SLC35C1: variants seen among roughly 807,000 people sequenced by gnomAD.
The protein encoded by SLC35C1 is solute carrier family 35 member C1, also known as GDP-fucose transporter 1.
A neutral mutation model predicts 23.2 loss-of-function variants in SLC35C1; 8 were observed. That is an observed-to-expected ratio of 0.35 (90% CI 0.20 to 0.62). The LOEUF (loss-of-function observed/expected upper bound fraction) is 0.62. SLC35C1 is among the 20% of genes least tolerant of loss of function. The pLI is 0.75. For synonymous variants in SLC35C1, 226 were observed against 225.1 expected (o/e 1.00, Z -0.04); for missense variants, 422 against 478.6 (o/e 0.88, Z 1.10).
Position 45,811,267 on chromosome 11 carries a change from TG to T in SLC35C1, c.1030del (p.Glu344ArgfsTer2). ...GSSAYTWVRG[W>X]EMKKTPEEPS... ...CTCCGCCTACACCTGGGTCAGGGGC[TG>T]GGAGATGAAGAAGACTCCGGAGGAG... On this transcript the variant is annotated frameshift_variant, in exon 2 of 2. Coordinates refer to ENST00000314134, the MANE Select transcript of SLC35C1 (RefSeq NM_018389.5). LOFTEE classifies it high-confidence loss of function. The T allele has an allele frequency of 6.3e-7, 1 of 1,584,720 alleles. No individual in the cohort carries two copies.
In SLC35C1 at chr11:45,811,606, G is replaced by C; in HGVS notation, c.*271G>C. On this transcript the variant is annotated 3_prime_UTR_variant, in exon 2 of 2. Transcript: ENST00000314134. ...ATTTCTGAGTTTTTGTCCTTCCCGA[G>C]GGAGCACCCTAGTGAGAGTTGAACC... 5.0e-6 allele frequency: 2 copies of C among 400,032 alleles called. No individual in the cohort carries two copies. The highest frequency in any genetic ancestry group is 3.9e-5 in the East Asian group (1 of 25,800). 24.8% of individuals were successfully genotyped at this position (400,032 alleles called of 1,614,324 possible).
chr11:45,811,448 T>TCTATAAGTAGCACCCA lies in SLC35C1; in HGVS notation c.*113_*114insCTATAAGTAGCACCCA. 1.2e-6 allele frequency: 1 copy of TCTATAAGTAGCACCCA among 862,220 alleles called. No homozygotes were observed. The highest frequency in any genetic ancestry group is 1.7e-6 in the Non-Finnish European group (1 of 581,954). 53.4% of individuals were successfully genotyped at this position (862,220 alleles called of 1,614,324 possible). A position where few individuals can be genotyped will look rare whatever the true frequency, so the allele number is the denominator to read the frequency against. On this transcript the variant is annotated 3_prime_UTR_variant, in exon 2 of 2. Transcript: ENST00000314134. ...GAAGCGTGCTGTGGTGTGGACTGGGTGCTACTTATAGACCCAATCAGAATA... is the reference window on the plus strand; with the variant it reads ...GAAGCGTGCTGTGGTGTGGACTGGGTCTATAAGTAGCACCCAGCTACTTATAGACCCAATCAGAATA...
Position 45,805,799 on chromosome 11 carries a change from A to G in SLC35C1, c.-3A>G, listed in dbSNP as rs3808976. On this transcript the variant is annotated 5_prime_UTR_variant, in exon 1 of 2. Transcript: ENST00000314134. ...CGCGGGGTGACCCAGCTCCTCTGCT[A>G]CCATGAATAGGGCCCCTCTGAAGCG... is the stretch of plus-strand genomic sequence containing the variant. The G allele has an allele frequency of 0.21, 345,572 of 1,612,660 alleles. 39,757 individuals carry two copies. The highest frequency in any genetic ancestry group is 0.42 in the African/African-American group (31,624 of 74,982).
Position 45,805,489 on chromosome 11 carries a change from T to G in SLC35C1, c.-313T>G. 7.9e-6 allele frequency: 10 copies of G among 1,259,456 alleles called. No homozygotes were observed. Among genetic ancestry groups the G allele is most frequent in the Admixed American group, 3.4e-5 (1 of 29,430 alleles). The allele number at this position is 1,259,456 out of a possible 1,614,324, so 78.0% of individuals were successfully genotyped here. A position where few individuals can be genotyped will look rare whatever the true frequency, so the allele number is the denominator to read the frequency against. ...CCCTTCTCTCTGCGACCCCTCCCTGTTAGGCCCCAGCCTCTTCTCCCCTCA... is the reference window on the plus strand; with the variant it reads ...CCCTTCTCTCTGCGACCCCTCCCTGGTAGGCCCCAGCCTCTTCTCCCCTCA... On this transcript the variant is annotated 5_prime_UTR_variant, in exon 1 of 2. Coordinates refer to ENST00000314134, the MANE Select transcript of SLC35C1 (RefSeq NM_018389.5).
chr11:45,812,885 GTGAAAAGCT>G lies in SLC35C1; in HGVS notation c.*1551_*1559del, dbSNP rs2085966694. The G allele has an allele frequency of 3.0e-6, 1 of 330,784 alleles. No individual in the cohort carries two copies. The highest frequency in any genetic ancestry group is 6.0e-6 in the Non-Finnish European group (1 of 165,638). The allele number at this position is 330,784 out of a possible 1,614,324, so 20.5% of individuals were successfully genotyped here. The stretch of plus-strand genomic sequence containing the variant: ...ATTTCTGATGTTTTTACTCTATATA[GTGAAAAGCT>G]AGGGAGAGCGGGTCTTCTCCCCCCT... On this transcript the variant is annotated 3_prime_UTR_variant, in exon 2 of 2. Coordinates refer to ENST00000314134, the MANE Select transcript of SLC35C1 (RefSeq NM_018389.5).
rs910057772 is a variant in SLC35C1, at chr11:45,811,620, G to A, written c.*285G>A. 8 of 363,586 alleles carry A rather than the reference G, an allele frequency of 2.2e-5. No individual in the cohort carries two copies. The highest frequency in any genetic ancestry group is 4.1e-5 in the African/African-American group (2 of 48,822). 22.5% of individuals were successfully genotyped at this position (363,586 alleles called of 1,614,324 possible). ...GTCCTTCCCGAGGGAGCACCCTAGTGAGAGTTGAACCCCTTCCTTCTGCCT... is the reference window on the plus strand; with the variant it reads ...GTCCTTCCCGAGGGAGCACCCTAGTAAGAGTTGAACCCCTTCCTTCTGCCT... On this transcript the variant is annotated 3_prime_UTR_variant, in exon 2 of 2. Coordinates refer to ENST00000314134, the MANE Select transcript of SLC35C1 (RefSeq NM_018389.5).
intron 1 of SLC35C1, chr11:45,807,018 T>G (rs574412814): frequency 1.7e-5 from 8 of 459,772 alleles, no homozygotes; most frequent in Middle Eastern, 1.1e-3. Flanking sequence ...ATTATGCTAA[T>G]TATTTCACAT....
Position 45,811,966 on chromosome 11 carries a change from A to T in SLC35C1, c.*631A>T, listed in dbSNP as rs2085953270. 1 of 155,854 alleles carries T rather than the reference A, an allele frequency of 6.4e-6. No homozygotes were observed. The highest frequency in any genetic ancestry group is 1.4e-5 in the Non-Finnish European group (1 of 70,246). The allele number at this position is 155,854 out of a possible 1,614,324, so 9.7% of individuals were successfully genotyped here. A position where few individuals can be genotyped will look rare whatever the true frequency, so the allele number is the denominator to read the frequency against. On this transcript the variant is annotated 3_prime_UTR_variant, in exon 2 of 2. Coordinates refer to ENST00000314134, the MANE Select transcript of SLC35C1 (RefSeq NM_018389.5). ...GGTGGATTGTGAGAAAGTGCTCACC[A>T]TCTATACACCCTGTATGTCCAGCTT...
chr11:45,810,830 T>A lies in SLC35C1; in HGVS notation c.590T>A (p.Leu197Gln). 6.2e-7 allele frequency: 1 copy of A among 1,612,846 alleles called. No individual in the cohort carries two copies. The highest frequency in any genetic ancestry group is 8.5e-7 in the Non-Finnish European group (1 of 1,180,018). The change falls in exon 2 of 2, where the codon CTG becomes CAG. Residue 197 changes from leucine (L) to glutamine (Q), a missense_variant. Transcript: ENST00000314134. ...QEGAEGTLSW[L>Q]GTVFGVLASL... ...GGGGCAGAAGGCACCCTGTCGTGGC[T>A]GGGCACCGTCTTCGGCGTGCTGGCT...
rs746706225 is a variant in SLC35C1 at position 45,805,927 on chromosome 11, G to C, written c.126G>C (p.Ala42=). The C allele has an allele frequency of 5.0e-6, 8 of 1,614,068 alleles. No homozygotes were observed. The Admixed American group carries it at 1.3e-4, about 27-fold the overall frequency. ...TTCTGCTGCGGGCATTGCAGATCGC[G>C]CTGGTGGTCTCCCTCTACTGGGTCA... ...KPFLLRALQI[A]LVVSLYWVTS... The change falls in exon 1 of 2, where the codon GCG becomes GCC. Residue 42 remains alanine, a synonymous_variant. Transcript: ENST00000314134.
At chr11:45,810,475 C>T (rs879529704) in intron 1 of SLC35C1, 2 of 985,232 alleles carry the variant, frequency 2.0e-6, no homozygotes, top group Non-Finnish European at 2.4e-6. Context: ...GACCTCATTA[C>T]AATTCTTACA....
chr11:45,804,703 G>A (rs2085848118), upstream of SLC35C1: 1 of 985,480 alleles, frequency 1.0e-6, no homozygotes, highest in African/African-American at 1.7e-5. Context: ...GGGAAAGGAG[G>A]GGACCACAAC....
rs79173599 is a variant in SLC35C1, at chr11:45,812,971, G to A, written c.*1636G>A. 3,481 of 247,768 alleles carry A rather than the reference G, an allele frequency of 0.014. 132 individuals are homozygous for A. Among genetic ancestry groups the A allele is most frequent in the African/African-American group, 0.072 (3,272 of 45,646 alleles). The allele number at this position is 247,768 out of a possible 1,614,324, so 15.3% of individuals were successfully genotyped here. A position where few individuals can be genotyped will look rare whatever the true frequency, so the allele number is the denominator to read the frequency against. On this transcript the variant is annotated 3_prime_UTR_variant, in exon 2 of 2. Transcript: ENST00000314134. ...GATGGGTTCTAATGCAGCTGCTGGG[G>A]CCTGATGCCCTGAGTTGTTTGTGAT...
At position 45,811,660 on chromosome 11, in the gene SLC35C1, C is replaced by T; in HGVS notation, c.*325C>T. ...TCCTTCTGCCTCCAGGGCCTGTCTG[C>T]CTCCACATCACTCTGAGGACAGGGA... On this transcript the variant is annotated 3_prime_UTR_variant, in exon 2 of 2. Coordinates refer to ENST00000314134, the MANE Select transcript of SLC35C1 (RefSeq NM_018389.5). 3.7e-6 allele frequency: 1 copy of T among 268,004 alleles called. No individual in the cohort carries two copies. The highest frequency in any genetic ancestry group is 7.1e-6 in the Non-Finnish European group (1 of 140,664). 16.6% of individuals were successfully genotyped at this position (268,004 alleles called of 1,614,324 possible). A position where few individuals can be genotyped will look rare whatever the true frequency, so the allele number is the denominator to read the frequency against.
At position 45,810,824 on chromosome 11, in the gene SLC35C1, C is replaced by T; in HGVS notation, c.584C>T (p.Ser195Leu). The T allele has an allele frequency of 6.2e-7, 1 of 1,612,838 alleles. No homozygotes were observed. The highest frequency in any genetic ancestry group is 8.5e-7 in the Non-Finnish European group (1 of 1,180,016). ...VDQEGAEGTL[S>L]WLGTVFGVLA... ...CAGGAGGGGGCAGAAGGCACCCTGT[C>T]GTGGCTGGGCACCGTCTTCGGCGTG... The change falls in exon 2 of 2, where the codon TCG becomes TTG. Residue 195 changes from serine to leucine, a missense_variant. Ser to Leu is a moderately radical substitution (Grantham distance 145). Coordinates refer to ENST00000314134, the MANE Select transcript of SLC35C1 (RefSeq NM_018389.5).
chr11:45,811,694 A>C lies in SLC35C1; in HGVS notation c.*359A>C. 1 of 210,268 alleles carries C rather than the reference A, an allele frequency of 4.8e-6. No individual in the cohort carries two copies. The highest frequency in any genetic ancestry group is 1.3e-4 in the South Asian group (1 of 7,722). The allele number at this position is 210,268 out of a possible 1,614,324, so 13.0% of individuals were successfully genotyped here. A position where few individuals can be genotyped will look rare whatever the true frequency, so the allele number is the denominator to read the frequency against. On this transcript the variant is annotated 3_prime_UTR_variant, in exon 2 of 2. Coordinates refer to ENST00000314134, the MANE Select transcript of SLC35C1 (RefSeq NM_018389.5). ...CACTCTGAGGACAGGGACAGGCAAC[A>C]ACCTTGAAGGGACAGCAATGGCAAA... is the stretch of plus-strand genomic sequence containing the variant.
At chr11:45,810,624 CTG>C in intron 1 of SLC35C1, 150 bp from the exon 2 acceptor site, 1 of 1,439,856 alleles carries the variant, frequency 6.9e-7, no homozygotes, top group Non-Finnish European at 9.1e-7. Flanking sequence ...AGTGGAGACT[CTG>C]GCTGTGCTTA....
rs766512058 is a variant in SLC35C1, at chr11:45,811,182, C to G, written c.942C>G (p.Tyr314Ter). 5.0e-6 allele frequency: 8 copies of G among 1,611,936 alleles called. No homozygotes were observed. Among genetic ancestry groups the G allele is most frequent in the Non-Finnish European group, 6.8e-6 (8 of 1,179,810 alleles). ...ACAQTVLAVL[Y>*]YEETKSFLWW... is the part of the protein sequence containing the mutation. ...CCCAGACAGTGCTGGCCGTGCTCTA[C>G]TACGAGGAGACCAAGAGCTTCCTCT... The change falls in exon 2 of 2, where the codon TAC (tyrosine) becomes TAG (stop). Residue 314 changes from tyrosine (Y) to a stop codon, truncating the protein, a stop_gained. Transcript: ENST00000314134. LOFTEE classifies it high-confidence loss of function.
At chr11:45,806,481 G>T in intron 1 of SLC35C1, 145 bp downstream of exon 1, 4 of 1,162,876 alleles carry the variant, frequency 3.4e-6, no homozygotes. Flanking sequence ...GGGGCACAGA[G>T]AGAGCAAGTA....
Sources: gnomAD v4.1 joint callset for allele counts on GRCh38, gnomAD v4.1.1 for gene constraint, MANE v1.5 for transcripts, NCBI Gene and HGNC (gene_info 2026-07-23, HGNC 2026-07-21) for gene names.